LIMCH1: variants seen among roughly 807,000 people sequenced by gnomAD.
The protein encoded by LIMCH1 is LIM and calponin homology domains 1.
A neutral mutation model predicts 176.5 loss-of-function variants in LIMCH1; 113 were observed. That is an observed-to-expected ratio of 0.64 (90% CI 0.55 to 0.75). LIMCH1 has a LOEUF of 0.75. Ranked by LOEUF, LIMCH1 falls within the 30% of genes least tolerant of loss-of-function variation. LIMCH1 has a pLI of 0.00. For synonymous variants in LIMCH1, 619 were observed against 645.9 expected, an observed-to-expected ratio of 0.96 and a Z score of 0.63; for missense variants, 1,674 against 1,814.9, an observed-to-expected ratio of 0.92 and a Z score of 1.41.
At chr4:41,446,861 G>A (rs1376333899) in intron 1 of LIMCH1, among the ~76,000 whole-genome samples, 1 of 152,218 alleles carries the variant, frequency 6.6e-6, no homozygotes, top group Non-Finnish European at 1.5e-5. Context: ...GTGTATGTGT[G>A]TGATTCTGAG....
intron 20 of LIMCH1, among the ~76,000 whole-genome samples, chr4:41,664,542 G>C (rs549850786): frequency 1.3e-5 from 2 of 152,322 alleles, no homozygotes; most frequent in Admixed American, 1.3e-4. Flanking sequence ...TTGGGAGGCA[G>C]GCAGAATTTC....
chr4:41,622,301 C>G (rs565528871), intron 7 of LIMCH1, among the ~76,000 whole-genome samples: 1 of 152,182 alleles, frequency 6.6e-6, no homozygotes, highest in East Asian at 1.9e-4. Context: ...AATACTATCT[C>G]CTCACTAGGT....
chr4:41,476,193 A>T (rs2067715386), intron 1 of LIMCH1, among the ~76,000 whole-genome samples: 1 of 152,156 alleles, frequency 6.6e-6, no homozygotes, highest in Admixed American at 6.5e-5. Flanking sequence ...TCTTTTGGTT[A>T]ATGGTGTTTA....
chr4:41,499,300 C>G (rs1156609992), intron 2 of LIMCH1, among the ~76,000 whole-genome samples: 2 of 152,130 alleles, frequency 1.3e-5, no homozygotes, highest in Non-Finnish European at 2.9e-5. Context: ...TGCTTTATCT[C>G]TTCATGTGTA....
At chr4:41,598,687 C>G in intron 1 of LIMCH1, among the ~76,000 whole-genome samples, 1 of 152,074 alleles carries the variant, frequency 6.6e-6, no homozygotes, top group East Asian at 1.9e-4. Context: ...CAGTTTTATA[C>G]AAATGTGTCA....
At chr4:41,662,694 C>A in intron 19 of LIMCH1, 127 bp from the exon 20 acceptor site, 2 of 971,542 alleles carry the variant, frequency 2.1e-6, no homozygotes, top group Non-Finnish European at 3.1e-6. Flanking sequence ...AGCACACTGT[C>A]ATTCAGCTTA....
chr4:41,548,511 A>T (rs1485023685), intron 1 of LIMCH1, among the ~76,000 whole-genome samples: 1 of 152,154 alleles, frequency 6.6e-6, no homozygotes, highest in Non-Finnish European at 1.5e-5. Flanking sequence ...GTTTTGTTTG[A>T]TTAATGACAC....
chr4:41,434,783 C>T (rs2061920616), intron 1 of LIMCH1, among the ~76,000 whole-genome samples: 1 of 152,230 alleles, frequency 6.6e-6, no homozygotes, highest in Non-Finnish European at 1.5e-5. Context: ...TCCCAAAGTG[C>T]TGGGATTACA....
chr4:41,549,859 C>T (rs770716848), intron 1 of LIMCH1, among the ~76,000 whole-genome samples: 10 of 151,928 alleles, frequency 6.6e-5, no homozygotes, highest in East Asian at 1.9e-4. Context: ...GTAATCAACA[C>T]GATTTATATG....
intron 1 of LIMCH1, among the ~76,000 whole-genome samples, chr4:41,435,364 C>T (rs2061979675): frequency 6.6e-6 from 1 of 152,192 alleles, no homozygotes. Flanking sequence ...CATGGAAAGC[C>T]TCCTGTTCCC....
chr4:41,657,260 G>A (rs765840251), intron 18 of LIMCH1, among the ~76,000 whole-genome samples: 1 of 152,208 alleles, frequency 6.6e-6, no homozygotes, highest in Admixed American at 6.5e-5. Context: ...CTCCTCTGTT[G>A]AGCTGTAACC....
At chr4:41,394,609 C>G (rs746171326) in intron 1 of LIMCH1, among the ~76,000 whole-genome samples, 2 of 152,082 alleles carry the variant, frequency 1.3e-5, no homozygotes, top group South Asian at 2.1e-4. Flanking sequence ...TCTTCTTGAT[C>G]GGGGATTGTA....
intron 7 of LIMCH1, among the ~76,000 whole-genome samples, chr4:41,625,510 C>T (rs1327410557): frequency 6.6e-6 from 1 of 152,186 alleles, no homozygotes; most frequent in Non-Finnish European, 1.5e-5. Context: ...TGCCTTGAAG[C>T]TCTGAATTTA....
rs148581586 is a variant in LIMCH1, at chr4:41,410,597, A to C, written c.96+49661A>C. 2.0e-3 allele frequency among the ~76,000 whole-genome samples: 311 copies of C among 152,170 alleles called. 1 individual carries two copies. Among genetic ancestry groups the C allele is most frequent in the African/African-American group, 6.7e-3 (280 of 41,500 alleles). ...GATGCACTTAAACAAAACATGGGGG[A>C]AAATGGAACTAACTCTCTGTGCTCC... On this transcript the variant is annotated intron_variant, in intron 1 of 26. Coordinates refer to the LIMCH1 transcript ENST00000313860.
chr4:41,644,945 A>G (rs576922009), intron 15 of LIMCH1, among the ~76,000 whole-genome samples: 1 of 152,334 alleles, frequency 6.6e-6, no homozygotes, highest in Non-Finnish European at 1.5e-5. Flanking sequence ...CAAATTGATC[A>G]TGATGATGAT....
chr4:41,474,775 A>G (rs368842490), intron 1 of LIMCH1, among the ~76,000 whole-genome samples: 2 of 152,328 alleles, frequency 1.3e-5, no homozygotes, highest in African/African-American at 4.8e-5. Flanking sequence ...AGGTTCCTCA[A>G]ACAACTAAAA....
chr4:41,633,937 T>C, intron 13 of LIMCH1, 129 bp downstream of exon 13: 1 of 1,064,928 alleles, frequency 9.4e-7, no homozygotes, highest in African/African-American at 1.6e-5. Flanking sequence ...TGATCAAAAT[T>C]GGCCTCATCT....
intron 1 of LIMCH1, among the ~76,000 whole-genome samples, chr4:41,416,656 T>G (rs2059959534): frequency 1.2e-5 from 1 of 83,140 alleles, no homozygotes; most frequent in African/African-American, 4.0e-5. Flanking sequence ...AGATTCCATC[T>G]CAAAAACAAA....
chr4:41,451,181 T>C (rs2063826969), intron 1 of LIMCH1, among the ~76,000 whole-genome samples: 1 of 152,216 alleles, frequency 6.6e-6, no homozygotes, highest in Non-Finnish European at 1.5e-5. Flanking sequence ...AATGGCACGA[T>C]CTTGGCTCAC....
Sources: allele counts gnomAD v4.1 joint callset (sites outside exome capture counted in the v4.1 genomes callset), GRCh38; gene constraint gnomAD v4.1.1; transcripts MANE v1.5; gene names NCBI Gene and HGNC (gene_info 2026-07-23, HGNC 2026-07-21).